The following PLEKHA4 variants were observed in gnomAD, a reference collection of about 807,000 sequenced individuals.
The protein encoded by PLEKHA4 is pleckstrin homology domain containing A4.
Under a neutral mutation model 94.7 loss-of-function variants are expected in PLEKHA4, and 73 were observed. The observed-to-expected ratio is 0.77, with a 90% CI of 0.64 to 0.94. The LOEUF (loss-of-function observed/expected upper bound fraction) is 0.94. Among genes scored for constraint, PLEKHA4 ranks in the 40% least tolerant of loss-of-function variants. PLEKHA4 has a pLI of 0.00. For synonymous variants in PLEKHA4, 449 were observed against 437.1 expected (o/e 1.03, Z -0.34); for missense variants, 1,049 against 1,054.1 (o/e 1.00, Z 0.07).
intron 9 of PLEKHA4, among the ~76,000 whole-genome samples, chr19:48,856,369 G>C (rs1248505883): frequency 1.5e-5 from 2 of 131,618 alleles, no homozygotes; most frequent in African/African-American, 5.0e-5. Flanking sequence ...AGATCACAAG[G>C]TCAGGAGATC....
intron 16 of PLEKHA4, among the ~76,000 whole-genome samples, chr19:48,843,668 T>A (rs2035851813): frequency 6.6e-6 from 1 of 151,770 alleles, no homozygotes; most frequent in African/African-American, 2.4e-5. Context: ...TTTATTTTTT[T>A]ATTTTTTGAG....
intron 8 of PLEKHA4, 109 bp downstream of exon 8, chr19:48,858,751 G>T: frequency 8.0e-7 from 1 of 1,246,582 alleles, no homozygotes; most frequent in Non-Finnish European, 1.2e-6. Flanking sequence ...AGATCATTAT[G>T]GACTACAATA....
intron 2 of PLEKHA4, among the ~76,000 whole-genome samples, 186 bp from the exon 3 acceptor site, chr19:48,865,796 C>T (rs2036811640): frequency 6.6e-6 from 1 of 151,976 alleles, no homozygotes; most frequent in Non-Finnish European, 1.5e-5. Context: ...GGGTGGATCA[C>T]GAGGTCAGGA....
At chr19:48,866,598 C>T (rs1314993127) in intron 2 of PLEKHA4, among the ~76,000 whole-genome samples, 3 of 152,152 alleles carry the variant, frequency 2.0e-5, no homozygotes, top group African/African-American at 7.2e-5. Flanking sequence ...TGAGCCACTG[C>T]GCCGGGCCGA....
Position 48,838,084 on chromosome 19 carries a change from C to G in PLEKHA4, c.2010G>C (p.Arg670=). The change falls in exon 19 of 20, where the codon CGG becomes CGC. Residue 670 remains arginine (R), a synonymous_variant. Transcript: ENST00000263265. ...TPYLPTSEGH[R]ERVLSLSQAL... The stretch of plus-strand genomic sequence containing the variant: ...CTTGGGAGAGGCTGAGAACCCGCTC[C>G]CGGTGACCTTCGGAAGTCGGCAAGT... 1.9e-6 allele frequency: 3 copies of G among 1,613,418 alleles called. No homozygotes were observed. Among genetic ancestry groups the G allele is most frequent in the Non-Finnish European group, 2.5e-6 (3 of 1,179,844 alleles).
chr19:48,845,653 TATA>T (rs925074523), intron 14 of PLEKHA4, 37 bp from the exon 15 acceptor site: 9 of 1,349,440 alleles, frequency 6.7e-6, no homozygotes, highest in Non-Finnish European at 8.1e-6. Flanking sequence ...TGATGATCAT[TATA>T]ATAATTATTA....
At chr19:48,856,178 A>T (rs2036398858) in intron 9 of PLEKHA4, among the ~76,000 whole-genome samples, 1 of 151,676 alleles carries the variant, frequency 6.6e-6, no homozygotes, top group South Asian at 2.1e-4. Flanking sequence ...TCTCAAAAAA[A>T]AAAAAGAAAA....
At chr19:48,855,728 G>A (rs1222529298) in intron 9 of PLEKHA4, among the ~76,000 whole-genome samples, 1 of 151,990 alleles carries the variant, frequency 6.6e-6, no homozygotes, top group Non-Finnish European at 1.5e-5. Context: ...GACTGAGGCT[G>A]CAGTGAGCCA....
In PLEKHA4 at chr19:48,854,056, C is replaced by A. The variant is rs532724867; in HGVS notation, c.1127G>T (p.Arg376Leu). ...TLLTKLCGQD[R>L]LLRRLQEEID... ...CTCCTCCTGCAGCCTCCGCAGAAGC[C>A]GGTCCTGCCCGCACAACTTGGTCAG... Residue 376 changes from arginine to leucine, a missense_variant, in exon 11 of 20, where the codon CGG (arginine) becomes CTG (leucine). Coordinates refer to ENST00000263265, the MANE Select transcript of PLEKHA4 (RefSeq NM_020904.3). The A allele has an allele frequency of 6.2e-7, 1 of 1,614,042 alleles. No individual in the cohort carries two copies. The highest frequency in any genetic ancestry group is 1.3e-5 in the African/African-American group (1 of 74,926).
In PLEKHA4 at chr19:48,867,518, C is replaced by A. The variant is rs765620350; in HGVS notation, c.84+19G>T. 1.3e-6 allele frequency: 2 copies of A among 1,580,744 alleles called. No individual in the cohort carries two copies. The highest frequency in any genetic ancestry group is 8.6e-7 in the Non-Finnish European group (1 of 1,165,582). On this transcript the variant is annotated intron_variant, in intron 2 of 19. Transcript: ENST00000263265. The surrounding 1 kb of genome is among the most constrained non-coding windows in gnomAD (Gnocchi z 4.7). Reference sequence around the variant, plus strand: ...CCAGAGCCCCACCTTCCTCCCCATCCCCGCCAGGAAGCTCAAACCTTGGGG... The same window carrying A: ...CCAGAGCCCCACCTTCCTCCCCATCACCGCCAGGAAGCTCAAACCTTGGGG...
rs151028762 is a variant in PLEKHA4 at position 48,867,388 on chromosome 19, C to T, written c.84+149G>A. 53 of 810,528 alleles carry T rather than the reference C, an allele frequency of 6.5e-5. No homozygotes were observed. Among genetic ancestry groups the T allele is most frequent in the African/African-American group, 2.4e-4 (14 of 58,348 alleles). The allele number at this position is 810,528 out of a possible 1,614,324, so 50.2% of individuals were successfully genotyped here. A position where few individuals can be genotyped will look rare whatever the true frequency, so the allele number is the denominator to read the frequency against. On this transcript the variant is annotated intron_variant, in intron 2 of 19. Coordinates refer to ENST00000263265, the MANE Select transcript of PLEKHA4 (RefSeq NM_020904.3). This position sits in a 1 kb window ranked among gnomAD's most constrained non-coding sequence, Gnocchi z 4.7. ...GGGAGTGCCTCTGAATTCCTAGCTG[C>T]GGTGTGTAGGCAATTTGGGACCTTA...
Position 48,846,220 on chromosome 19 carries a change from G to A in PLEKHA4, c.1567-604C>T, listed in dbSNP as rs10402542. On this transcript the variant is annotated intron_variant, in intron 14 of 19. Coordinates refer to ENST00000263265, the MANE Select transcript of PLEKHA4 (RefSeq NM_020904.3). ...TGTAATCCCAGTACTTTGGGAGGCC[G>A]AGGCAGGCGGATCACAAGGTCAGGA... is the stretch of plus-strand genomic sequence containing the variant. 5.6e-3 allele frequency among the ~76,000 whole-genome samples: 857 copies of A among 151,918 alleles called. 7 individuals are homozygous for A. Among genetic ancestry groups the A allele is most frequent in the African/African-American group, 0.02 (812 of 41,438 alleles).
chr19:48,852,677 A>C (rs957376490), intron 12 of PLEKHA4, among the ~76,000 whole-genome samples: 1 of 152,032 alleles, frequency 6.6e-6, no homozygotes, highest in Non-Finnish European at 1.5e-5. Context: ...TCAGGCCTTT[A>C]ATCCCAGCTA....
intron 12 of PLEKHA4, 38 bp downstream of exon 12, chr19:48,853,644 G>A: frequency 6.8e-7 from 1 of 1,474,364 alleles, no homozygotes; most frequent in Non-Finnish European, 9.0e-7. Context: ...ATAGTCCTGG[G>A]GCCTCCTAGG....
At position 48,861,415 on chromosome 19, in the gene PLEKHA4, G is replaced by A. The variant is rs371994811; in HGVS notation, c.352C>T (p.Arg118Cys). 28 of 1,613,374 alleles carry A rather than the reference G, an allele frequency of 1.7e-5. No homozygotes were observed. Among genetic ancestry groups the A allele is most frequent in the African/African-American group, 9.3e-5 (7 of 74,910 alleles). The change falls in exon 5 of 20, where the codon CGC becomes TGC. Residue 118 changes from arginine to cysteine, a missense_variant. Physicochemically the swap from Arg to Cys is radical, Grantham distance 180. Coordinates refer to ENST00000263265, the MANE Select transcript of PLEKHA4 (RefSeq NM_020904.3). ...PDGPGAPRGRRFTFTAEHPGM... is the reference protein window; with the variant it reads ...PDGPGAPRGRCFTFTAEHPGM... ...GATGGACTCACGGTGAAGGTGAAGC[G>A]CCGCCCTCGGGGGGCTCCCGGCCCA... is the stretch of plus-strand genomic sequence containing the variant.
chr19:48,849,888 G>T (rs2123002480), intron 13 of PLEKHA4, among the ~76,000 whole-genome samples: 1 of 152,262 alleles, frequency 6.6e-6, no homozygotes, highest in South Asian at 2.1e-4. Context: ...CCAGGGGAGA[G>T]AGCAGCTCTG....
chr19:48,846,131 T>A (rs1008870650), intron 14 of PLEKHA4, among the ~76,000 whole-genome samples: 1 of 151,276 alleles, frequency 6.6e-6, no homozygotes, highest in South Asian at 2.1e-4. Context: ...AGACACCAGC[T>A]GGGCAACATA....
At chr19:48,845,684 G>C (rs2035943838) in intron 14 of PLEKHA4, 68 bp from the exon 15 acceptor site, 2 of 1,239,858 alleles carry the variant, frequency 1.6e-6, no homozygotes, top group Non-Finnish European at 2.2e-6. Flanking sequence ...CATGTTGCAA[G>C]CATTTAGGCA....
chr19:48,860,191 G>A, intron 6 of PLEKHA4, 159 bp downstream of exon 6: 1 of 630,770 alleles, frequency 1.6e-6, no homozygotes, highest in South Asian at 2.0e-5. Flanking sequence ...TTTGCTGATT[G>A]GAAAAGTTCC....
Sources: allele counts gnomAD v4.1 joint callset (sites outside exome capture counted in the v4.1 genomes callset), GRCh38; gene constraint gnomAD v4.1.1; non-coding constraint Gnocchi (gnomAD v3.1); transcripts MANE v1.5; gene names NCBI Gene and HGNC (gene_info 2026-07-23, HGNC 2026-07-21).